TRDN: variants seen among roughly 807,000 people sequenced by gnomAD.
TRDN encodes triadin, also known as triadin in skeletal muscle.
TRDN carries 161 observed loss-of-function variants against 149.7 expected under a neutral mutation model. The ratio of observed to expected loss-of-function variants is 1.08; its 90% CI spans 0.95 to 1.23. The LOEUF (loss-of-function observed/expected upper bound fraction) is 1.23, where lower values mean the gene tolerates loss of function less well. Ranked by LOEUF, TRDN falls within the 50% of genes most tolerant of loss-of-function variation. The pLI is 0.00. For missense variants in TRDN, 896 were observed against 823.5 expected (o/e 1.09, Z -1.08); for synonymous variants, 294 against 250.5 (o/e 1.17, Z -1.64).
At chr6:123,418,400 T>G (rs2114534066) in intron 12 of TRDN, 1 of 152,306 alleles carries the variant, frequency 6.6e-6, no homozygotes, top group East Asian at 1.9e-4. Context: ...CAAACTTTTT[T>G]TAATGTTTTG....
intron 9 of TRDN, among the ~76,000 whole-genome samples, chr6:123,483,348 C>A (rs1269877401): frequency 6.6e-6 from 1 of 151,786 alleles, no homozygotes; most frequent in Admixed American, 6.6e-5. Flanking sequence ...GTGATCCACC[C>A]GCCTTGTCTT....
intron 12 of TRDN, among the ~76,000 whole-genome samples, chr6:123,412,954 A>G (rs1455997620): frequency 6.6e-6 from 1 of 152,182 alleles, no homozygotes; most frequent in African/African-American, 2.4e-5. Flanking sequence ...AAAAATATCT[A>G]AAATGTTCAA....
At position 123,311,053 on chromosome 6, in the gene TRDN, A is replaced by G. The variant is rs1325799287; in HGVS notation, c.1510+5404T>C. On this transcript the variant is annotated intron_variant, in intron 24 of 40. Transcript: ENST00000334268. ...GACCTGGACAATGAGAACCTGTATT[A>G]GTCTGTTTCATACTGCTAAAATAAA... Among the ~76,000 whole-genome samples, 5 of 152,094 alleles carry G rather than the reference A, an allele frequency of 3.3e-5. No individual in the cohort carries two copies. The East Asian group carries it at 9.7e-4, about 29-fold the overall frequency.
At chr6:123,256,009 A>AT (rs1166207380) in intron 35 of TRDN, 107 bp from the exon 36 acceptor site, 2 of 541,482 alleles carry the variant, frequency 3.7e-6, no homozygotes, top group Non-Finnish European at 5.4e-6. Context: ...TTACATAGGT[A>AT]TACATGTGTC....
At chr6:123,370,643 C>T (rs766631854) in intron 19 of TRDN, among the ~76,000 whole-genome samples, 6 of 152,048 alleles carry the variant, frequency 3.9e-5, no homozygotes, top group Non-Finnish European at 8.8e-5. Context: ...ACATTTTTCT[C>T]CCTAAATTCT....
chr6:123,585,763 G>T (rs553304642), intron 1 of TRDN, among the ~76,000 whole-genome samples: 74 of 152,184 alleles, frequency 4.9e-4, no homozygotes, highest in South Asian at 1.0e-3. Flanking sequence ...CAAGCTCCTG[G>T]GGGAGGAGGT....
intron 38 of TRDN, among the ~76,000 whole-genome samples, chr6:123,231,774 A>T (rs1775610260): frequency 6.6e-6 from 1 of 151,996 alleles, no homozygotes; most frequent in African/African-American, 2.4e-5. Context: ...TTTAGAGGAG[A>T]AACAGTAAAA....
rs868309645 is a variant in TRDN at position 123,502,352 on chromosome 6, A to C, written c.793+1367T>G. The C allele has an allele frequency of 2.4e-4, 181 of 745,366 alleles. No homozygotes were observed. The African/African-American group carries it at 3.2e-3, about 13-fold the overall frequency. The allele number at this position is 745,366 out of a possible 1,614,324, so 46.2% of individuals were successfully genotyped here. A position where few individuals can be genotyped will look rare whatever the true frequency, so the allele number is the denominator to read the frequency against. On this transcript the variant is annotated intron_variant, in intron 8 of 40. Coordinates refer to ENST00000334268, the MANE Select transcript of TRDN (RefSeq NM_006073.4). Reference sequence around the variant, plus strand: ...TAACTTTTAAATTTTTTTCATGGTGATATAATCACCTTGAAAATTGGAAAA... The same window carrying C: ...TAACTTTTAAATTTTTTTCATGGTGCTATAATCACCTTGAAAATTGGAAAA...
At chr6:123,582,187 C>T (rs1489896857) in intron 1 of TRDN, among the ~76,000 whole-genome samples, 1 of 152,016 alleles carries the variant, frequency 6.6e-6, no homozygotes. Flanking sequence ...GGGGGCATTT[C>T]CACTCGAACT....
intron 10 of TRDN, among the ~76,000 whole-genome samples, chr6:123,458,440 G>C (rs1354706044): frequency 1.3e-5 from 2 of 152,156 alleles, no homozygotes; most frequent in African/African-American, 4.8e-5. Flanking sequence ...AGGCCTTAAA[G>C]AGAAAAGACT....
At chr6:123,330,782 A>G (rs1177607909) in intron 23 of TRDN, among the ~76,000 whole-genome samples, 1 of 152,050 alleles carries the variant, frequency 6.6e-6, no homozygotes, top group African/African-American at 2.4e-5. Context: ...ATACATTGCT[A>G]CACTCACTAA....
intron 12 of TRDN, among the ~76,000 whole-genome samples, chr6:123,430,975 T>C (rs894775558): frequency 6.6e-6 from 1 of 152,190 alleles, no homozygotes; most frequent in African/African-American, 2.4e-5. Context: ...AGTAACAAGA[T>C]ATCATAGTAA....
intron 31 of TRDN, among the ~76,000 whole-genome samples, chr6:123,268,680 G>A (rs1777098571): frequency 6.6e-6 from 1 of 151,996 alleles, no homozygotes; most frequent in Non-Finnish European, 1.5e-5. Context: ...TAGGTGGGAA[G>A]ATGTGGGACT....
chr6:123,267,183 AAG>A (rs1192558619), intron 32 of TRDN, among the ~76,000 whole-genome samples: 1 of 150,686 alleles, frequency 6.6e-6, no homozygotes, highest in African/African-American at 2.4e-5. Context: ...AATTTACCAA[AAG>A]AGAGAGATTT....
intron 1 of TRDN, among the ~76,000 whole-genome samples, chr6:123,571,799 C>A (rs952844033): frequency 6.6e-6 from 1 of 151,716 alleles, no homozygotes; most frequent in Non-Finnish European, 1.5e-5. Flanking sequence ...CTTTTTTTTA[C>A]TAGGCAATAT....
At chr6:123,503,659 T>C (rs541346212) in intron 8 of TRDN, 60 bp downstream of exon 8, 39 of 1,606,984 alleles carry the variant, frequency 2.4e-5, no homozygotes, top group Non-Finnish European at 3.0e-5. Flanking sequence ...TTTCACTGCA[T>C]GTGCTTCTTG....
At chr6:123,487,397 T>C (rs1314464955) in intron 9 of TRDN, among the ~76,000 whole-genome samples, 1 of 152,064 alleles carries the variant, frequency 6.6e-6, no homozygotes. Flanking sequence ...AAGTCACACA[T>C]AGTGCTCATC....
chr6:123,246,133 C>T lies in TRDN; in HGVS notation c.1975+6279G>A, dbSNP rs564294720. 1.1e-4 allele frequency among the ~76,000 whole-genome samples: 17 copies of T among 151,990 alleles called. No homozygotes were observed. In the South Asian group the frequency reaches 1.7e-3, roughly 15 times the overall value. ...AGCACTAAATGCCCACATGAGAAAG[C>T]GGGAAAAATTCAAAATTGACACACT... On this transcript the variant is annotated intron_variant, in intron 38 of 40. Coordinates refer to ENST00000334268, the MANE Select transcript of TRDN (RefSeq NM_006073.4).
At chr6:123,599,312 A>G (rs1031270047) in intron 1 of TRDN, among the ~76,000 whole-genome samples, 11 of 151,054 alleles carry the variant, frequency 7.3e-5, no homozygotes, top group Admixed American at 2.6e-4. Context: ...AACTGAGAAT[A>G]TAAGCCCTGG....
Sources: gnomAD v4.1 joint callset for allele counts (sites outside exome capture counted in the v4.1 genomes callset) on GRCh38, gnomAD v4.1.1 for gene constraint, MANE v1.5 for transcripts, NCBI Gene and HGNC (gene_info 2026-07-23, HGNC 2026-07-21) for gene names.